The following ZNF735 variants were observed in gnomAD, a reference collection of about 807,000 sequenced individuals.
The protein encoded by ZNF735 is zinc finger protein 735, also known as putative zinc finger protein 735.
ZNF735 carries 11 observed loss-of-function variants against 13.4 expected under a neutral mutation model. That is an observed-to-expected ratio of 0.82 (90% CI 0.52 to 1.36). The LOEUF (loss-of-function observed/expected upper bound fraction) is 1.36, where lower values mean the gene tolerates loss of function less well. Ranked by LOEUF, ZNF735 falls within the 40% of genes most tolerant of loss-of-function variation. ZNF735 has a pLI of 0.00. For missense variants in ZNF735, 500 were observed against 484.6 expected, an observed-to-expected ratio of 1.03 and a Z score of -0.30; for synonymous variants, 171 against 162.6, an observed-to-expected ratio of 1.05 and a Z score of -0.39.
rs574952104 is a variant in ZNF735, at chr7:64,209,782, T to C, written c.39+2541T>C. Among the ~76,000 whole-genome samples, 33 of 152,326 alleles carry C rather than the reference T, an allele frequency of 2.2e-4. No homozygotes were observed. The South Asian group carries it at 6.8e-3, about 32-fold the overall frequency. On this transcript the variant is annotated intron_variant, in intron 1 of 3. Coordinates refer to ENST00000429565, the Ensembl canonical transcript of ZNF735. ...TTAAATTGAGATCTTTCTAACTTTT[T>C]GATGTGATGTTTAGTGATATACATT...
chr7:64,210,881 C>T (rs1787351946), intron 1 of ZNF735, among the ~76,000 whole-genome samples: 1 of 152,100 alleles, frequency 6.6e-6, no homozygotes, highest in African/African-American at 2.4e-5. Flanking sequence ...GGCATATTCT[C>T]AAGATGCAGG....
At chr7:64,207,935 C>T (rs111627926) in intron 1 of ZNF735, among the ~76,000 whole-genome samples, 5,891 of 151,624 alleles carry the variant, frequency 0.039, 181 homozygotes, top group East Asian at 0.16. Flanking sequence ...TGCAGTGAGC[C>T]GAGATCGCGC....
intron 1 of ZNF735, among the ~76,000 whole-genome samples, chr7:64,210,337 A>T (rs1328707849): frequency 6.6e-6 from 1 of 152,198 alleles, no homozygotes; most frequent in Non-Finnish European, 1.5e-5. Context: ...TTTGTACCAG[A>T]TGTATTTGTT....
At chr7:64,218,291 T>G (rs1787445554) in intron 3 of ZNF735, among the ~76,000 whole-genome samples, 1 of 152,118 alleles carries the variant, frequency 6.6e-6, no homozygotes, top group Admixed American at 6.6e-5. Context: ...ACTGGTTGTC[T>G]CGGAGGACTA....
chr7:64,212,272 C>G (rs1787369802), intron 1 of ZNF735, among the ~76,000 whole-genome samples: 1 of 152,176 alleles, frequency 6.6e-6, no homozygotes. Flanking sequence ...CTGCCACTTA[C>G]TGGATGTTTG....
intron 1 of ZNF735, among the ~76,000 whole-genome samples, chr7:64,211,167 C>T (rs553675612): frequency 2.1e-3 from 318 of 152,292 alleles, no homozygotes; most frequent in Middle Eastern, 0.01. Context: ...GCGTTCTATA[C>T]ATTCTCTTCA....
intron 2 of ZNF735, among the ~76,000 whole-genome samples, chr7:64,213,473 C>T (rs1258518778): frequency 1.3e-5 from 2 of 151,958 alleles, no homozygotes; most frequent in Admixed American, 6.6e-5. Flanking sequence ...ATAGCGTTGC[C>T]AACACCTTAG....
intron 1 of ZNF735, among the ~76,000 whole-genome samples, chr7:64,209,254 A>C (rs1285933257): frequency 7.0e-6 from 1 of 143,092 alleles, no homozygotes. Flanking sequence ...TTTTTAGTCT[A>C]ATTGTTTTTA....
chr7:64,207,279 A>C (rs778021803), intron 1 of ZNF735, 38 bp downstream of exon 1: 1 of 1,614,144 alleles, frequency 6.2e-7, no homozygotes, highest in Admixed American at 1.7e-5. Flanking sequence ...GAGGGGTGGG[A>C]GGTGGTTGGA....
intron 3 of ZNF735, among the ~76,000 whole-genome samples, chr7:64,214,804 T>C (rs1253664394): frequency 6.6e-6 from 1 of 151,970 alleles, no homozygotes; most frequent in Non-Finnish European, 1.5e-5. Context: ...ACATTCATGA[T>C]ATTTTTTATG....
At chr7:64,219,136 A>T (rs1787455832) in intron 3 of ZNF735, among the ~76,000 whole-genome samples, 178 bp from the exon 4 acceptor site, 2 of 152,162 alleles carry the variant, frequency 1.3e-5, no homozygotes, top group South Asian at 4.1e-4. Flanking sequence ...CTTCCAACAA[A>T]GGTATTTTGA....
exon 1 of ZNF735, chr7:64,207,229 A>G (rs1467264241): frequency 6.2e-7 from 1 of 1,614,086 alleles, no homozygotes; most frequent in Admixed American, 1.7e-5. Flanking sequence ...GACCCCCTGG[A>G]AGCCGAGAAA....
chr7:64,220,232 C>T, exon 4 of ZNF735: 2 of 1,612,592 alleles, frequency 1.2e-6, no homozygotes, highest in South Asian at 1.1e-5. Flanking sequence ...AAGTGGCATT[C>T]AAGTCTTGCT....
At chr7:64,216,805 T>C (rs974155893) in intron 3 of ZNF735, among the ~76,000 whole-genome samples, 1 of 152,162 alleles carries the variant, frequency 6.6e-6, no homozygotes, top group Non-Finnish European at 1.5e-5. Context: ...AGGGTCTCAC[T>C]GTGTTCCCAA....
chr7:64,215,034 T>G (rs942207704), intron 3 of ZNF735, among the ~76,000 whole-genome samples: 11 of 152,000 alleles, frequency 7.2e-5, no homozygotes, highest in African/African-American at 2.4e-4. Flanking sequence ...TTTATTAAAA[T>G]TTAGTTTAAT....
chr7:64,218,888 T>C (rs1257366420), intron 3 of ZNF735, among the ~76,000 whole-genome samples: 1 of 152,202 alleles, frequency 6.6e-6, no homozygotes, highest in African/African-American at 2.4e-5. Context: ...TTCTTCATAT[T>C]TCTCCTTACT....
At chr7:64,211,040 A>G (rs752042514) in intron 1 of ZNF735, among the ~76,000 whole-genome samples, 8 of 152,104 alleles carry the variant, frequency 5.3e-5, no homozygotes, top group Non-Finnish European at 7.4e-5. Flanking sequence ...GGAAATTGCA[A>G]ATTTTTACTT....
intron 3 of ZNF735, among the ~76,000 whole-genome samples, chr7:64,218,807 C>T (rs1787452415): frequency 6.6e-6 from 1 of 152,162 alleles, no homozygotes; most frequent in South Asian, 2.1e-4. Flanking sequence ...GGTAGAGATT[C>T]TGGGAGTCTT....
At chr7:64,209,993 C>G (rs1787337398) in intron 1 of ZNF735, among the ~76,000 whole-genome samples, 1 of 151,750 alleles carries the variant, frequency 6.6e-6, no homozygotes, top group East Asian at 1.9e-4. Context: ...AATTATTATT[C>G]TATATATTTT....
Sources: allele counts gnomAD v4.1 joint callset (sites outside exome capture counted in the v4.1 genomes callset), GRCh38; gene constraint gnomAD v4.1.1; transcripts MANE v1.5; gene names NCBI Gene and HGNC (gene_info 2026-07-23, HGNC 2026-07-21).